NEGR1: variants seen among roughly 807,000 people sequenced by gnomAD.
The protein encoded by NEGR1 is neuronal growth regulator 1.
A neutral mutation model predicts 40.9 loss-of-function variants in NEGR1; 10 were observed. That is an observed-to-expected ratio of 0.24 (90% CI 0.15 to 0.42). The LOEUF is 0.42. Among genes scored for constraint, NEGR1 ranks in the 10% least tolerant of loss-of-function variants. NEGR1 has a pLI of 1.00. For synonymous variants in NEGR1, 185 were observed against 166.8 expected, an observed-to-expected ratio of 1.11 and a Z score of -0.84; for missense variants, 352 against 438.9, an observed-to-expected ratio of 0.80 and a Z score of 1.77.
chr1:72,195,397 G>C (rs1450116149), intron 1 of NEGR1, among the ~76,000 whole-genome samples: 1 of 151,724 alleles, frequency 6.6e-6, no homozygotes, highest in Non-Finnish European at 1.5e-5. Context: ...TTGTTGCCAA[G>C]CATAAAATTC....
At chr1:71,819,090 A>C (rs1205815836) in intron 2 of NEGR1, among the ~76,000 whole-genome samples, 3 of 152,016 alleles carry the variant, frequency 2.0e-5, no homozygotes, top group African/African-American at 4.8e-5. Flanking sequence ...GCTGAGGCAC[A>C]ATTCTGAAAC....
chr1:71,727,208 C>T (rs1237609331), intron 3 of NEGR1, among the ~76,000 whole-genome samples: 1 of 152,024 alleles, frequency 6.6e-6, no homozygotes, highest in African/African-American at 2.4e-5. Flanking sequence ...CTTTCAGTTT[C>T]CTATCTGGAT....
chr1:72,006,592 G>A (rs1009668629), intron 1 of NEGR1, among the ~76,000 whole-genome samples: 1 of 152,084 alleles, frequency 6.6e-6, no homozygotes, highest in African/African-American at 2.4e-5. Flanking sequence ...TAAGCACCCA[G>A]TAATTAGCCA....
In NEGR1 at chr1:72,032,559, A is replaced by C. The variant is rs546425999; in HGVS notation, c.177-97248T>G. Among the ~76,000 whole-genome samples the C allele has an allele frequency of 2.0e-4, 31 of 152,320 alleles. 1 individual carries two copies. In the East Asian group the frequency reaches 6.0e-3, roughly 29 times the overall value. On this transcript the variant is annotated intron_variant, in intron 1 of 6. Coordinates refer to ENST00000357731, the MANE Select transcript of NEGR1 (RefSeq NM_173808.3). ...ATGGGATATCAGGACCCAAGTTAAT[A>C]GTTGAGTTTCATCAGTTTCCTTCAG...
intron 1 of NEGR1, among the ~76,000 whole-genome samples, chr1:71,993,597 A>G (rs1254719786): frequency 6.6e-5 from 10 of 152,200 alleles, no homozygotes. Flanking sequence ...TAAAAGTTGG[A>G]GAATAGCTGA....
intron 4 of NEGR1, among the ~76,000 whole-genome samples, chr1:71,625,465 T>C (rs926169803): frequency 1.3e-5 from 2 of 151,886 alleles, no homozygotes; most frequent in East Asian, 3.9e-4. Flanking sequence ...TATATAGTAT[T>C]AGGTGTTATA....
In NEGR1 at chr1:72,220,214, T is replaced by TA. The variant is rs34503889; in HGVS notation, c.176+62104dup. Among the ~76,000 whole-genome samples the TA allele has an allele frequency of 3.1e-3, 471 of 151,644 alleles. 6 individuals carry two copies. The East Asian group carries it at 0.036, about 12-fold the overall frequency. The stretch of plus-strand genomic sequence containing the variant: ...ATTTTGTGAAAAATAATTTTTAAGA[T>TA]AAAAAAATTCCCTACTCTACCCAGC... On this transcript the variant is annotated intron_variant, in intron 1 of 6. Transcript: ENST00000357731.
chr1:71,578,701 T>C (rs543978810), intron 6 of NEGR1, among the ~76,000 whole-genome samples: 84 of 152,194 alleles, frequency 5.5e-4, no homozygotes, highest in African/African-American at 1.9e-3. Flanking sequence ...ACACATATGG[T>C]ATGAATTAAT....
chr1:71,464,234 C>T (rs1227220307), intron 6 of NEGR1, among the ~76,000 whole-genome samples: 2 of 152,110 alleles, frequency 1.3e-5, no homozygotes, highest in East Asian at 3.9e-4. Context: ...AAAAGTGCCA[C>T]ATGTTGCTAG....
intron 3 of NEGR1, among the ~76,000 whole-genome samples, chr1:71,752,729 C>G (rs1655611718): frequency 6.6e-6 from 1 of 150,650 alleles, no homozygotes; most frequent in Non-Finnish European, 1.5e-5. Flanking sequence ...TGTACCCTCT[C>G]ACTTTCATAG....
intron 6 of NEGR1, among the ~76,000 whole-genome samples, chr1:71,532,820 T>C (rs1256406748): frequency 6.6e-6 from 1 of 151,572 alleles, no homozygotes; most frequent in Non-Finnish European, 1.5e-5. Flanking sequence ...TCTTGTTTAA[T>C]GGAAAAGTAC....
At chr1:71,989,636 T>C (rs1033316546) in intron 1 of NEGR1, among the ~76,000 whole-genome samples, 5 of 152,128 alleles carry the variant, frequency 3.3e-5, no homozygotes, top group Non-Finnish European at 7.4e-5. Context: ...TTTGGGAAAA[T>C]AAAGCATATG....
chr1:72,144,036 A>G (rs1650809863), intron 1 of NEGR1, among the ~76,000 whole-genome samples: 1 of 146,792 alleles, frequency 6.8e-6, no homozygotes, highest in Non-Finnish European at 1.5e-5. Flanking sequence ...TATATTATTG[A>G]TGAAGAAGTA....
intron 1 of NEGR1, among the ~76,000 whole-genome samples, chr1:72,088,554 C>T (rs1222866555): frequency 1.3e-5 from 2 of 151,864 alleles, no homozygotes; most frequent in Non-Finnish European, 2.9e-5. Context: ...CCAGGAGAAC[C>T]CAGATCTGCC....
At chr1:72,066,141 T>C (rs1647266390) in intron 1 of NEGR1, among the ~76,000 whole-genome samples, 1 of 152,132 alleles carries the variant, frequency 6.6e-6, no homozygotes, top group Non-Finnish European at 1.5e-5. Context: ...CAATATGTCA[T>C]GAATTGCATT....
intron 2 of NEGR1, among the ~76,000 whole-genome samples, chr1:71,917,946 G>A (rs1271316215): frequency 6.6e-6 from 1 of 151,032 alleles, no homozygotes; most frequent in Non-Finnish European, 1.5e-5. Flanking sequence ...TGCCTGGCGT[G>A]GTGGCTCAGG....
At chr1:71,805,168 T>C (rs1001430513) in intron 2 of NEGR1, among the ~76,000 whole-genome samples, 2 of 152,196 alleles carry the variant, frequency 1.3e-5, no homozygotes, top group Non-Finnish European at 2.9e-5. Context: ...TGTCTGCTGA[T>C]AAGATGTTAT....
intron 1 of NEGR1, among the ~76,000 whole-genome samples, chr1:72,159,614 G>C (rs1339805586): frequency 6.6e-6 from 1 of 151,126 alleles, no homozygotes; most frequent in African/African-American, 2.5e-5. Context: ...TGAACTTAAA[G>C]AACATAGAAG....
intron 6 of NEGR1, among the ~76,000 whole-genome samples, chr1:71,436,075 G>A (rs1485146725): frequency 6.6e-6 from 1 of 152,190 alleles, no homozygotes; most frequent in South Asian, 2.1e-4. Context: ...CACCACTGAA[G>A]ATGCTATCAT....
Sources: allele counts gnomAD v4.1 joint callset (sites outside exome capture counted in the v4.1 genomes callset), GRCh38; gene constraint gnomAD v4.1.1; transcripts MANE v1.5; gene names NCBI Gene and HGNC (gene_info 2026-07-23, HGNC 2026-07-21).